ZRANB3: variants seen among roughly 807,000 people sequenced by gnomAD.
The protein encoded by ZRANB3 is zinc finger RANBP2-type containing 3.
In ZRANB3, 125 loss-of-function variants were observed where a neutral mutation model predicts 133.8. The ratio of observed to expected loss-of-function variants is 0.93; its 90% CI spans 0.81 to 1.08. The LOEUF is 1.08. ZRANB3 is among the 50% of genes least tolerant of loss of function. The probability of loss-of-function intolerance (pLI) is 0.00; values close to 1 mark genes in which losing one functional copy is unlikely to be tolerated. For synonymous variants in ZRANB3, 387 were observed against 432.7 expected (o/e 0.89, Z 1.31); for missense variants, 1,229 against 1,275.5 (o/e 0.96, Z 0.56).
At chr2:135,278,704 A>G (rs1322903021) in intron 8 of ZRANB3, among the ~76,000 whole-genome samples, 1 of 152,172 alleles carries the variant, frequency 6.6e-6, no homozygotes, top group Non-Finnish European at 1.5e-5. Context: ...AAACTAATAA[A>G]AGAAGAAAAG....
At chr2:135,385,577 G>C (rs1191224852) in intron 3 of ZRANB3, among the ~76,000 whole-genome samples, 2 of 152,062 alleles carry the variant, frequency 1.3e-5, no homozygotes, top group African/African-American at 2.4e-5. Context: ...ATGCTACCTG[G>C]CTTCAAACTA....
At chr2:135,322,309 G>C (rs1683567536) in intron 6 of ZRANB3, among the ~76,000 whole-genome samples, 1 of 152,000 alleles carries the variant, frequency 6.6e-6, no homozygotes, top group South Asian at 2.1e-4. Flanking sequence ...TTTAAAAAAG[G>C]AACTTTGTCT....
intron 2 of ZRANB3, among the ~76,000 whole-genome samples, chr2:135,440,940 T>C (rs1574107557): frequency 6.6e-6 from 1 of 151,794 alleles, no homozygotes; most frequent in African/African-American, 2.4e-5. Context: ...ACACAGAGAA[T>C]AAAAGGTTTA....
chr2:135,218,475 T>G (rs1646624223), intron 16 of ZRANB3, among the ~76,000 whole-genome samples: 1 of 151,642 alleles, frequency 6.6e-6, no homozygotes, highest in African/African-American at 2.4e-5. Flanking sequence ...AAAACAGGTA[T>G]AGTTGACCTA....
chr2:135,429,038 A>G (rs115174933), intron 2 of ZRANB3, among the ~76,000 whole-genome samples: 1,626 of 152,364 alleles, frequency 0.011, 15 homozygotes, highest in Middle Eastern at 0.048. Flanking sequence ...TACTGGGTAT[A>G]TATCTAAAGG....
intron 2 of ZRANB3, among the ~76,000 whole-genome samples, chr2:135,391,954 C>T (rs1447693222): frequency 6.6e-6 from 1 of 151,932 alleles, no homozygotes; most frequent in Admixed American, 6.6e-5. Context: ...TAAATAAATT[C>T]TATGCAATGA....
At chr2:135,523,742 GC>G (rs1474539554) in intron 1 of ZRANB3, among the ~76,000 whole-genome samples, 1 of 152,120 alleles carries the variant, frequency 6.6e-6, no homozygotes, top group African/African-American at 2.4e-5. Flanking sequence ...AAAGAATCAA[GC>G]CTAGGCAGAC....
At chr2:135,374,769 T>C (rs1369952713) in intron 3 of ZRANB3, among the ~76,000 whole-genome samples, 2 of 152,114 alleles carry the variant, frequency 1.3e-5, no homozygotes, top group East Asian at 1.9e-4. Context: ...CCCAAAGTGC[T>C]GAGATTATAG....
intron 1 of ZRANB3, among the ~76,000 whole-genome samples, chr2:135,525,709 A>C (rs184303533): frequency 6.6e-6 from 1 of 152,126 alleles, no homozygotes; most frequent in East Asian, 1.9e-4. Flanking sequence ...TTAGCCGGTC[A>C]TGGTGGTGCG....
chr2:135,274,413 A>C (rs1329144365), intron 9 of ZRANB3, among the ~76,000 whole-genome samples: 6 of 152,194 alleles, frequency 3.9e-5, no homozygotes, highest in African/African-American at 7.2e-5. Context: ...GTTGGGTACT[A>C]ACATTGGCCA....
chr2:135,343,186 CAAAAAAAAAA>C (rs1176402987), intron 6 of ZRANB3, among the ~76,000 whole-genome samples: 1 of 46,522 alleles, frequency 2.1e-5, no homozygotes, highest in Non-Finnish European at 4.3e-5. Flanking sequence ...ACTCTGTCTC[CAAAAAAAAAA>C]AAAAAAAAAC....
chr2:135,392,396 T>C (rs1041915181), intron 2 of ZRANB3, among the ~76,000 whole-genome samples: 5 of 151,446 alleles, frequency 3.3e-5, no homozygotes, highest in African/African-American at 1.2e-4. Flanking sequence ...ATTTTATTGT[T>C]CCTTTATTCC....
chr2:135,358,993 C>A (rs982002894), intron 3 of ZRANB3, among the ~76,000 whole-genome samples: 5 of 151,486 alleles, frequency 3.3e-5, no homozygotes, highest in African/African-American at 1.2e-4. Flanking sequence ...TTTTTCAAGT[C>A]ATTTTTATAT....
At chr2:135,282,341 A>G (rs1380876750) in intron 8 of ZRANB3, among the ~76,000 whole-genome samples, 1 of 152,210 alleles carries the variant, frequency 6.6e-6, no homozygotes, top group Non-Finnish European at 1.5e-5. Context: ...CCCTTTGCCA[A>G]TAGTTTTTAA....
chr2:135,298,988 A>C (rs1156263536), intron 8 of ZRANB3, among the ~76,000 whole-genome samples: 1 of 152,104 alleles, frequency 6.6e-6, no homozygotes, highest in Non-Finnish European at 1.5e-5. Flanking sequence ...CAGCTGCAGC[A>C]GTATAGGGGG....
intron 3 of ZRANB3, among the ~76,000 whole-genome samples, chr2:135,359,357 C>T (rs567319019): frequency 4.9e-4 from 74 of 152,072 alleles, no homozygotes; most frequent in African/African-American, 1.6e-3. Context: ...GCCGAGGCAG[C>T]AGGACTGCTT....
intron 6 of ZRANB3, among the ~76,000 whole-genome samples, chr2:135,322,410 A>C (rs1475226494): frequency 3.3e-5 from 5 of 152,144 alleles, no homozygotes; most frequent in African/African-American, 1.2e-4. Context: ...AATTTGAGGG[A>C]AACTGCCATT....
rs148783789 is a variant in ZRANB3, at chr2:135,200,881, G to A, written c.3142-441C>T. On this transcript the variant is annotated intron_variant, in intron 20 of 20. Transcript: ENST00000264159. ...AGCAATTCTCCAGCCTCAGCCTCCA[G>A]AGTAGCTGGAATTATAGGCACCTGC... Among the ~76,000 whole-genome samples the A allele has an allele frequency of 1.0e-2, 1,511 of 151,520 alleles. 23 individuals carry two copies. The highest frequency in any genetic ancestry group is 0.035 in the African/African-American group (1,439 of 41,246).
chr2:135,527,889 A>G (rs2104850288), intron 1 of ZRANB3, among the ~76,000 whole-genome samples: 1 of 152,280 alleles, frequency 6.6e-6, no homozygotes, highest in East Asian at 1.9e-4. Context: ...TCTTTTTTAC[A>G]TTTTCCCGTG....
Sources: gnomAD v4.1 joint callset for allele counts (sites outside exome capture counted in the v4.1 genomes callset) on GRCh38, gnomAD v4.1.1 for gene constraint, MANE v1.5 for transcripts, NCBI Gene and HGNC (gene_info 2026-07-23, HGNC 2026-07-21) for gene names.